Variants in HIBCH observed in about 807,000 individuals in gnomAD.
HIBCH encodes 3-hydroxyisobutyryl-CoA hydrolase, mitochondrial.
HIBCH carries 50 observed loss-of-function variants against 58.2 expected under a neutral mutation model. That is an observed-to-expected ratio of 0.86 (90% CI 0.68 to 1.09). The LOEUF is 1.09. Ranked by LOEUF, HIBCH falls within the 50% of genes least tolerant of loss-of-function variation. The pLI, the probability that HIBCH is intolerant of heterozygous loss-of-function variation, is 0.00. For synonymous variants in HIBCH, 151 were observed against 146.9 expected, an observed-to-expected ratio of 1.03 and a Z score of -0.20; for missense variants, 450 against 449.7, an observed-to-expected ratio of 1.00 and a Z score of -0.01.
At chr2:190,224,763 C>T (rs1254426942) in intron 11 of HIBCH, among the ~76,000 whole-genome samples, 2 of 152,194 alleles carry the variant, frequency 1.3e-5, no homozygotes, top group African/African-American at 4.8e-5. Context: ...AGGACTTGAA[C>T]TCAGCTCTGC....
Position 190,254,081 on chromosome 2 carries a change from C to T in HIBCH, c.518-1774G>A, listed in dbSNP as rs1686855806. ...TTTCCTATATATACATTTTCCTTAACTCCTATGACTTTAAATAATATCTAT... is the reference window on the plus strand; with the variant it reads ...TTTCCTATATATACATTTTCCTTAATTCCTATGACTTTAAATAATATCTAT... On this transcript the variant is annotated intron_variant, in intron 7 of 13. Transcript: ENST00000359678. This position sits in a 1 kb window ranked among gnomAD's most constrained non-coding sequence, Gnocchi z 5.0. Among the ~76,000 whole-genome samples the T allele has an allele frequency of 6.6e-6, 1 of 152,116 alleles. No homozygotes were observed. The highest frequency in any genetic ancestry group is 2.4e-5 in the African/African-American group (1 of 41,412).
chr2:190,292,847 GATCTA>G (rs764669289), intron 4 of HIBCH, among the ~76,000 whole-genome samples: 3 of 151,986 alleles, frequency 2.0e-5, no homozygotes, highest in Non-Finnish European at 4.4e-5. Flanking sequence ...ATCTTTTTCT[GATCTA>G]ATTTTTATTC....
downstream of HIBCH, chr2:190,203,441 C>T (rs1690308660): frequency 1.8e-5 from 3 of 166,624 alleles, no homozygotes; most frequent in African/African-American, 7.2e-5. Context: ...TTTCTGAAAA[C>T]ATTTGTTGTT....
Position 190,197,637 on chromosome 2 carries a change from A to G in HIBCH, c.*17+7463T>C, listed in dbSNP as rs937060002. On this transcript the variant is annotated intron_variant, in intron 1 of 1. Coordinates refer to the HIBCH transcript ENST00000399855. The surrounding 1 kb of genome is among the most constrained non-coding windows in gnomAD (Gnocchi z 4.0). ...GGGAGATACCCCCAGGTAGAATCCCACAATGACCATCTGTGGGATTTAACA... is the reference window on the plus strand; with the variant it reads ...GGGAGATACCCCCAGGTAGAATCCCGCAATGACCATCTGTGGGATTTAACA... Among the ~76,000 whole-genome samples the G allele has an allele frequency of 7.9e-5, 12 of 152,202 alleles. No homozygotes were observed. The highest frequency in any genetic ancestry group is 1.8e-4 in the Non-Finnish European group (12 of 68,032).
chr2:190,195,941 C>CTTTCTTT (rs1689950116), intron 1 of HIBCH, among the ~76,000 whole-genome samples: 1 of 86,210 alleles, frequency 1.2e-5, no homozygotes, highest in African/African-American at 4.1e-5. Flanking sequence ...CTGTGTCCAG[C>CTTTCTTT]TTTTTTTTTT....
At chr2:190,301,380 G>A (rs577520930) in intron 2 of HIBCH, among the ~76,000 whole-genome samples, 3 of 152,186 alleles carry the variant, frequency 2.0e-5, no homozygotes, top group Non-Finnish European at 2.9e-5. Flanking sequence ...CATAGCCTAA[G>A]GACCTTAGTG....
At chr2:190,300,045 C>T (rs1462757236) in intron 2 of HIBCH, among the ~76,000 whole-genome samples, 3 of 152,214 alleles carry the variant, frequency 2.0e-5, no homozygotes, top group African/African-American at 7.2e-5. Flanking sequence ...ATATGTATCA[C>T]GTTTTCTTTA....
chr2:190,233,794 G>A (rs1038387918), intron 11 of HIBCH, among the ~76,000 whole-genome samples: 2 of 152,118 alleles, frequency 1.3e-5, no homozygotes, highest in South Asian at 2.1e-4. Context: ...AATCAACATG[G>A]AAATGCAAAT....
intron 6 of HIBCH, among the ~76,000 whole-genome samples, chr2:190,282,806 C>A (rs1687737409): frequency 6.7e-6 from 1 of 149,376 alleles, no homozygotes; most frequent in Non-Finnish European, 1.5e-5. Context: ...TTAAAAATTT[C>A]TCTATAACTG....
chr2:190,296,577 CA>C (rs1688108515), intron 3 of HIBCH, among the ~76,000 whole-genome samples: 1 of 152,128 alleles, frequency 6.6e-6, no homozygotes, highest in Non-Finnish European at 1.5e-5. Context: ...AACTTGCAAA[CA>C]AATCAGTGCT....
intron 2 of HIBCH, among the ~76,000 whole-genome samples, chr2:190,305,906 A>C (rs1401979255): frequency 6.6e-6 from 1 of 152,220 alleles, no homozygotes; most frequent in Non-Finnish European, 1.5e-5. Context: ...ACCACAGGTA[A>C]AATGGTGAAA....
At position 190,244,904 on chromosome 2, in the gene HIBCH, C is replaced by T. The variant is rs774129841; in HGVS notation, c.874G>A (p.Ala292Thr). 6.2e-7 allele frequency: 1 copy of T among 1,609,638 alleles called. No individual in the cohort carries two copies. The highest frequency in any genetic ancestry group is 8.5e-7 in the Non-Finnish European group (1 of 1,175,898). Residue 292 changes from alanine (A) to threonine (T), a missense_variant, in exon 11 of 14, where the codon GCC becomes ACC. Transcript: ENST00000359678. ...ENLQQDGSSF[A>T]LEQLKVINKM... ...AATATTACCTTCAATTGCTCTAGGGCAAAAGATGAACCATCTTGCTGTAAG... is the reference window on the plus strand; with the variant it reads ...AATATTACCTTCAATTGCTCTAGGGTAAAAGATGAACCATCTTGCTGTAAG...
chr2:190,235,034 G>A (rs1016325372), intron 11 of HIBCH, among the ~76,000 whole-genome samples: 1 of 152,112 alleles, frequency 6.6e-6, no homozygotes, highest in Non-Finnish European at 1.5e-5. Context: ...CTGTCATTAC[G>A]AGACTGAGTG....
chr2:190,199,852 C>T, downstream of HIBCH: 3 of 1,611,904 alleles, frequency 1.9e-6, no homozygotes, highest in Non-Finnish European at 2.5e-6. Flanking sequence ...ACAAACAGCT[C>T]TTCATAACAT....
intron 11 of HIBCH, among the ~76,000 whole-genome samples, chr2:190,239,697 T>C (rs537929972): frequency 2.0e-5 from 3 of 149,388 alleles, no homozygotes; most frequent in East Asian, 4.1e-4. Context: ...TTGCCCAAGC[T>C]GGAGTGCAAT....
At chr2:190,234,804 C>G (rs1205362195) in intron 11 of HIBCH, among the ~76,000 whole-genome samples, 2 of 151,564 alleles carry the variant, frequency 1.3e-5, no homozygotes, top group East Asian at 3.9e-4. Context: ...GAGCCAAGAT[C>G]ACTCCAGCCT....
At chr2:190,286,941 G>A (rs942288630) in intron 6 of HIBCH, among the ~76,000 whole-genome samples, 1 of 149,944 alleles carries the variant, frequency 6.7e-6, no homozygotes, top group Non-Finnish European at 1.5e-5. Context: ...GTAGAAAAAA[G>A]GCTCTATATA....
intron 6 of HIBCH, among the ~76,000 whole-genome samples, chr2:190,273,042 AGCTCATT>A (rs1687446376): frequency 6.6e-6 from 1 of 152,344 alleles, no homozygotes; most frequent in African/African-American, 2.4e-5. Flanking sequence ...AGAAAAAAAA[AGCTCATT>A]AAGAAACTAA....
chr2:190,192,195 A>T (rs989336971), intron 1 of HIBCH, among the ~76,000 whole-genome samples: 1 of 151,994 alleles, frequency 6.6e-6, no homozygotes, highest in Non-Finnish European at 1.5e-5. Context: ...TTCCAATCCC[A>T]TTTGTTGAAA....
Sources: gnomAD v4.1 joint callset for allele counts (sites outside exome capture counted in the v4.1 genomes callset) on GRCh38, gnomAD v4.1.1 for gene constraint, Gnocchi (gnomAD v3.1) non-coding constraint, MANE v1.5 for transcripts, NCBI Gene and HGNC (gene_info 2026-07-23, HGNC 2026-07-21) for gene names.